PDK3: variants seen among roughly 807,000 people sequenced by gnomAD.
The protein encoded by PDK3 is pyruvate dehydrogenase kinase, isozyme 3.
PDK3 carries 12 observed loss-of-function variants against 32.0 expected under a neutral mutation model. That is an observed-to-expected ratio of 0.37 (90% confidence interval 0.24 to 0.61). The LOEUF (loss-of-function observed/expected upper bound fraction) is 0.61, where lower values mean the gene tolerates loss of function less well. Ranked by LOEUF, PDK3 falls within the 20% of genes least tolerant of loss-of-function variation. PDK3 has a pLI of 0.65. For synonymous variants in PDK3, 122 were observed against 116.3 expected (o/e 1.05, Z -0.31); for missense variants, 188 against 316.9 (o/e 0.59, Z 3.09).
At chrX:24,518,903 C>T in intron 5 of PDK3, 30 bp from the exon 6 acceptor site, 1 of 1,007,782 alleles carries the variant, frequency 9.9e-7, no homozygotes, top group Non-Finnish European at 1.4e-6. Context: ...GTTATTAGTA[C>T]AGCAGCTAAA....
At chrX:24,499,586 G>A (rs1336952202) in intron 3 of PDK3, among the ~76,000 whole-genome samples, 2 of 111,888 alleles carry the variant, frequency 1.8e-5, no homozygotes, top group Admixed American at 9.5e-5. Context: ...AGTCCACATA[G>A]TTATGAGACT....
At chrX:24,477,576 T>G (rs1370736715) in intron 1 of PDK3, among the ~76,000 whole-genome samples, 1 of 111,827 alleles carries the variant, frequency 8.9e-6, no homozygotes. Context: ...TATGTTGGTT[T>G]CCTTTTTATC....
intron 2 of PDK3, among the ~76,000 whole-genome samples, chrX:24,498,417 C>G (rs1013627522): frequency 9.0e-6 from 1 of 111,520 alleles, no homozygotes; most frequent in Non-Finnish European, 1.9e-5. Context: ...CAGTTCCAGG[C>G]TTCCAATCCA....
chrX:24,547,719 C>T (rs1923024936), exon 12 of PDK3: 1 of 112,386 alleles, frequency 8.9e-6, no homozygotes, highest in Non-Finnish European at 1.9e-5. Context: ...TTTCCAAAAG[C>T]AAAGAATTAC....
chrX:24,503,905 C>G (rs182623349), intron 4 of PDK3, among the ~76,000 whole-genome samples: 38 of 112,238 alleles, frequency 3.4e-4, no homozygotes, highest in African/African-American at 1.2e-3. Context: ...AACATTGACA[C>G]TGGAAATATT....
At chrX:24,547,368 G>A in exon 12 of PDK3, 1 of 112,159 alleles carries the variant, frequency 8.9e-6, no homozygotes, top group Non-Finnish European at 1.9e-5. Flanking sequence ...ATAATTAAAT[G>A]TAGTTAGATT....
intron 1 of PDK3, among the ~76,000 whole-genome samples, chrX:24,470,460 GTGGATCACA>G (rs1920978806): frequency 9.0e-6 from 1 of 111,182 alleles, no homozygotes; most frequent in Non-Finnish European, 1.9e-5. Flanking sequence ...GCCAAGGCAG[GTGGATCACA>G]TGGGGTTGGG....
At chrX:24,472,366 C>G (rs562434822) in intron 1 of PDK3, among the ~76,000 whole-genome samples, 6 of 111,802 alleles carry the variant, frequency 5.4e-5, no homozygotes, top group African/African-American at 1.9e-4. Context: ...TGTAGAATAA[C>G]TTGGATATGG....
At chrX:24,502,871 C>T (rs1237293897) in intron 3 of PDK3, among the ~76,000 whole-genome samples, 3 of 111,759 alleles carry the variant, frequency 2.7e-5, no homozygotes, top group Non-Finnish European at 5.6e-5. Context: ...ACCCAAAAAA[C>T]AGTGTGACAT....
chrX:24,467,749 G>A (rs1940076712), intron 1 of PDK3, among the ~76,000 whole-genome samples: 1 of 111,940 alleles, frequency 8.9e-6, no homozygotes, highest in Non-Finnish European at 1.9e-5. Context: ...TTTAAGGTGA[G>A]GAGAGAGGAG....
At chrX:24,521,622 G>A (rs1458522001) in intron 6 of PDK3, among the ~76,000 whole-genome samples, 1 of 111,507 alleles carries the variant, frequency 9.0e-6, no homozygotes, top group Non-Finnish European at 1.9e-5. Context: ...GCTCTTTTGC[G>A]TGAGTGGCAG....
At chrX:24,482,662 A>G (rs1156872297) in intron 1 of PDK3, among the ~76,000 whole-genome samples, 1 of 112,308 alleles carries the variant, frequency 8.9e-6, no homozygotes, top group Non-Finnish European at 1.9e-5. Flanking sequence ...TAGTTTTATT[A>G]TTTCAGAACT....
At chrX:24,528,041 C>T (rs772341511) in intron 8 of PDK3, 35 bp from the exon 9 acceptor site, 1 of 847,642 alleles carries the variant, frequency 1.2e-6, no homozygotes, top group South Asian at 2.1e-5. Flanking sequence ...AGATCAACTT[C>T]TTTGTTTTGA....
chrX:24,497,724 C>T (rs1464560095), intron 2 of PDK3, among the ~76,000 whole-genome samples: 1 of 112,861 alleles, frequency 8.9e-6, no homozygotes, highest in East Asian at 2.8e-4. Flanking sequence ...TTTTTAGTTA[C>T]TAGAGTGTCC....
At chrX:24,525,871 C>A (rs548413728) in intron 6 of PDK3, among the ~76,000 whole-genome samples, 1 of 112,287 alleles carries the variant, frequency 8.9e-6, no homozygotes, top group South Asian at 3.7e-4. Flanking sequence ...TTGAAAAACA[C>A]CAAGTGATAT....
intron 1 of PDK3, among the ~76,000 whole-genome samples, chrX:24,482,090 G>A (rs746757491): frequency 3.6e-5 from 4 of 112,393 alleles, no homozygotes; most frequent in South Asian, 3.7e-4. Flanking sequence ...TTCTCACAGC[G>A]TCCACATTAA....
intron 5 of PDK3, among the ~76,000 whole-genome samples, chrX:24,513,962 G>GT (rs1450121367): frequency 9.0e-6 from 1 of 111,716 alleles, no homozygotes; most frequent in Non-Finnish European, 1.9e-5. Flanking sequence ...TCTGTATTCT[G>GT]TTAGACTCAA....
At chrX:24,488,973 G>A (rs1173448260) in intron 1 of PDK3, among the ~76,000 whole-genome samples, 1 of 112,083 alleles carries the variant, frequency 8.9e-6, no homozygotes, top group Non-Finnish European at 1.9e-5. Context: ...AGCCAAGTAA[G>A]TAGGGAAAAA....
At chrX:24,494,590 C>G in intron 1 of PDK3, 152 bp from the exon 2 acceptor site, 1 of 360,581 alleles carries the variant, frequency 2.8e-6, no homozygotes, top group Non-Finnish European at 4.7e-6. Flanking sequence ...TTTTCTTGAA[C>G]TTGCTATTTC....
Sources: gnomAD v4.1 joint callset for allele counts (sites outside exome capture counted in the v4.1 genomes callset) on GRCh38, gnomAD v4.1.1 for gene constraint, MANE v1.5 for transcripts, NCBI Gene and HGNC (gene_info 2026-07-23, HGNC 2026-07-21) for gene names.